The following VSIG10 variants were observed in gnomAD, a reference collection of about 807,000 sequenced individuals.
VSIG10 encodes the protein V-set and immunoglobulin domain containing 10.
In VSIG10, 48 loss-of-function variants were observed where a neutral mutation model predicts 58.7. That is an observed-to-expected ratio of 0.82 (90% CI 0.65 to 1.04). The LOEUF (loss-of-function observed/expected upper bound fraction) is 1.04, where lower values mean the gene tolerates loss of function less well. Among genes scored for constraint, VSIG10 ranks in the 50% least tolerant of loss-of-function variants. VSIG10 has a pLI of 0.00. For missense variants in VSIG10, 628 were observed against 670.0 expected, an observed-to-expected ratio of 0.94 and a Z score of 0.69; for synonymous variants, 260 against 267.1, an observed-to-expected ratio of 0.97 and a Z score of 0.26.
chr12:118,064,515 A>G lies in VSIG10; in HGVS notation c.*2124T>C, dbSNP rs1405232307. ...TTGCCTCTGAGTAGTAGACTCTTCA[A>G]TTCTGGAATTTGGTTGCCGAAGACT... On this transcript the variant is annotated 3_prime_UTR_variant, in exon 9 of 9. Coordinates refer to ENST00000359236, the MANE Select transcript of VSIG10 (RefSeq NM_019086.6). The G allele has an allele frequency of 2.0e-5, 3 of 151,120 alleles. No individual in the cohort carries two copies. Among genetic ancestry groups the G allele is most frequent in the Non-Finnish European group, 4.4e-5 (3 of 67,924 alleles). 9.4% of individuals were successfully genotyped at this position (151,120 alleles called of 1,614,324 possible).
intron 2 of VSIG10, among the ~76,000 whole-genome samples, chr12:118,093,103 C>T (rs1328193553): frequency 6.7e-6 from 1 of 148,570 alleles, no homozygotes; most frequent in Non-Finnish European, 1.5e-5. Context: ...TCCTGGCTAA[C>T]ACAGTGAAAC....
chr12:118,093,896 G>T (rs1026834579), intron 2 of VSIG10, among the ~76,000 whole-genome samples: 8 of 152,030 alleles, frequency 5.3e-5, no homozygotes, highest in African/African-American at 1.9e-4. Context: ...GCGACTGAGT[G>T]AGACTACGTC....
intron 1 of VSIG10, among the ~76,000 whole-genome samples, chr12:118,100,419 C>T (rs1012726284): frequency 6.6e-6 from 1 of 152,116 alleles, no homozygotes; most frequent in Admixed American, 6.6e-5. Flanking sequence ...ATCCCTTGTA[C>T]CTGGGAGGCG....
intron 2 of VSIG10, among the ~76,000 whole-genome samples, chr12:118,090,828 A>G: frequency 6.6e-6 from 1 of 151,886 alleles, no homozygotes; most frequent in East Asian, 1.9e-4. Flanking sequence ...CTACTTACCA[A>G]TCAGTTTAAA....
At position 118,073,850 on chromosome 12, in the gene VSIG10, C is replaced by A; in HGVS notation, c.1068G>T (p.Gln356His). ...GGGTAATGAGATGGCGGCTGCTAGG[C>A]TGGATGATCACCTCGGGCTGGGTAA... ...RNLTQPEVII[Q>H]PSSRHLITQD... Residue 356 changes from glutamine to histidine, a missense_variant, in exon 5 of 9, where the codon CAG (glutamine) becomes CAT (histidine). Physicochemically the swap from Gln to His is conservative, Grantham distance 24 (BLOSUM62 0). Coordinates refer to ENST00000359236, the MANE Select transcript of VSIG10 (RefSeq NM_019086.6). 6.2e-7 allele frequency: 1 copy of A among 1,613,766 alleles called. No individual in the cohort carries two copies. The highest frequency in any genetic ancestry group is 8.5e-7 in the Non-Finnish European group (1 of 1,179,788).
At chr12:118,097,763 A>G (rs2033506017) in intron 1 of VSIG10, among the ~76,000 whole-genome samples, 1 of 151,940 alleles carries the variant, frequency 6.6e-6, no homozygotes, top group Admixed American at 6.6e-5. Flanking sequence ...CTCTACTAAA[A>G]ATACAAAAAC....
chr12:118,069,677 T>C (rs868576749), intron 7 of VSIG10, among the ~76,000 whole-genome samples: 26 of 152,198 alleles, frequency 1.7e-4, no homozygotes, highest in African/African-American at 4.6e-4. Context: ...TCCACCCGCC[T>C]CGGCCTCCCA....
chr12:118,100,347 G>GT (rs1046534325), intron 1 of VSIG10, among the ~76,000 whole-genome samples: 1 of 151,612 alleles, frequency 6.6e-6, no homozygotes, highest in African/African-American at 2.4e-5. Context: ...AATACAAAAA[G>GT]TTAGCCGGGC....
At position 118,103,740 on chromosome 12, in the gene VSIG10, G is replaced by A; in HGVS notation, c.-69C>T. 2 of 1,361,792 alleles carry A rather than the reference G, an allele frequency of 1.5e-6. No homozygotes were observed. Among genetic ancestry groups the A allele is most frequent in the Non-Finnish European group, 1.9e-6 (2 of 1,057,702 alleles). The allele number at this position is 1,361,792 out of a possible 1,614,324, so 84.4% of individuals were successfully genotyped here. A position where few individuals can be genotyped will look rare whatever the true frequency, so the allele number is the denominator to read the frequency against. On this transcript the variant is annotated 5_prime_UTR_variant, in exon 1 of 9. Transcript: ENST00000359236. ...CTGGACGTGTGTGCCCCAGGGCCCC[G>A]GGGCCCGGGGTACCGAGGGCTCCTC...
At position 118,071,456 on chromosome 12, in the gene VSIG10, G is replaced by A. The variant is rs761404356; in HGVS notation, c.1233C>T (p.Ile411=). 2.3e-5 allele frequency: 37 copies of A among 1,613,682 alleles called. No homozygotes were observed. Among genetic ancestry groups the A allele is most frequent in the Non-Finnish European group, 2.9e-5 (34 of 1,179,820 alleles). ...TCACAATGGTTCCCACAATCCCCCCGATATTTAAAGGTTCTGTAAAGACAA... is the reference window on the plus strand; with the variant it reads ...TCACAATGGTTCCCACAATCCCCCCAATATTTAAAGGTTCTGTAAAGACAA... ...IWLSVKEPLN[I]GGIVGTIVSL... is the part of the protein sequence containing the mutation. The change falls in exon 6 of 9, where the codon ATC becomes ATT. Residue 411 remains isoleucine (I), a synonymous_variant. Transcript: ENST00000359236.
intron 4 of VSIG10, among the ~76,000 whole-genome samples, chr12:118,074,992 AT>A (rs1190846599): frequency 1.3e-5 from 2 of 151,830 alleles, no homozygotes; most frequent in African/African-American, 4.8e-5. Context: ...ATACTTGTCT[AT>A]TTTTTATTAG....
At chr12:118,103,325 GTCGGC>G (rs71450259) in intron 1 of VSIG10, 152,746 of 375,834 alleles carry the variant, frequency 0.41, 31,847 homozygotes, top group Admixed American at 0.48. Context: ...GCCCCCGCAC[GTCGGC>G]TCGGCTCGGC....
intron 8 of VSIG10, among the ~76,000 whole-genome samples, 183 bp downstream of exon 8, chr12:118,068,194 C>CT (rs71069404): frequency 0.36 from 36,447 of 100,320 alleles, 7,017 homozygotes; most frequent in South Asian, 0.39. Context: ...GCTAATTTTT[C>CT]TTTTTTTTTT....
In VSIG10 at chr12:118,070,939, C is replaced by T. The variant is rs532384649; in HGVS notation, c.1346+113G>A. 1.0e-5 allele frequency: 13 copies of T among 1,263,346 alleles called. No individual in the cohort carries two copies. In the African/African-American group the frequency reaches 1.3e-4, roughly 13 times the overall value. 78.3% of individuals were successfully genotyped at this position (1,263,346 alleles called of 1,614,324 possible). Reference sequence around the variant, plus strand: ...ATCCCTAGGCCAGTGTCTAGCACATCGTAGGTCCTCAATGGTAGTTGCTAT... The same window carrying T: ...ATCCCTAGGCCAGTGTCTAGCACATTGTAGGTCCTCAATGGTAGTTGCTAT... On this transcript the variant is annotated intron_variant, in intron 7 of 8. Transcript: ENST00000359236.
At chr12:118,071,117 C>A in intron 6 of VSIG10, 50 bp from the exon 7 acceptor site, 1 of 1,568,974 alleles carries the variant, frequency 6.4e-7, no homozygotes, top group Non-Finnish European at 8.7e-7. Context: ...TCCACTTCAA[C>A]CTGACAGGTT....
intron 2 of VSIG10, among the ~76,000 whole-genome samples, chr12:118,089,061 G>A (rs1018302744): frequency 6.6e-6 from 1 of 151,432 alleles, no homozygotes; most frequent in Non-Finnish European, 1.5e-5. Context: ...CTTTTCTTGT[G>A]TGTCAGCCTC....
intron 2 of VSIG10, among the ~76,000 whole-genome samples, chr12:118,093,677 G>A (rs12424428): frequency 0.19 from 28,482 of 151,910 alleles, 3,362 homozygotes; most frequent in Middle Eastern, 0.32. Context: ...TTGGGAGGCC[G>A]AGGTGGGCAG....
At chr12:118,093,032 G>A (rs1175392453) in intron 2 of VSIG10, among the ~76,000 whole-genome samples, 1 of 151,720 alleles carries the variant, frequency 6.6e-6, no homozygotes, top group Admixed American at 6.6e-5. Context: ...GCTCACGCCT[G>A]TAATCCCAGC....
chr12:118,070,460 A>G (rs1386604547), intron 7 of VSIG10, among the ~76,000 whole-genome samples: 1 of 151,462 alleles, frequency 6.6e-6, no homozygotes, highest in African/African-American at 2.4e-5. Context: ...AGGCAGGAGA[A>G]TGGCCTCAAC....
Sources: allele counts gnomAD v4.1 joint callset (sites outside exome capture counted in the v4.1 genomes callset), GRCh38; gene constraint gnomAD v4.1.1; transcripts MANE v1.5; gene names NCBI Gene and HGNC (gene_info 2026-07-23, HGNC 2026-07-21).